The following ZNRF2 variants were observed in gnomAD, a reference collection of about 807,000 sequenced individuals.
The protein encoded by ZNRF2 is zinc and ring finger 2.
In ZNRF2, 16 loss-of-function variants were observed where a neutral mutation model predicts 20.4. The observed-to-expected ratio is 0.79, with a 90% CI of 0.53 to 1.19. The LOEUF is 1.19. ZNRF2 is among the 50% of genes most tolerant of loss of function. ZNRF2 has a pLI of 0.00. For synonymous variants in ZNRF2, 178 were observed against 144.9 expected (o/e 1.23, Z -1.64); for missense variants, 363 against 332.4 (o/e 1.09, Z -0.72).
chr7:30,331,801 C>CA (rs747501499), intron 2 of ZNRF2, among the ~76,000 whole-genome samples: 7 of 152,006 alleles, frequency 4.6e-5, no homozygotes, highest in Non-Finnish European at 8.8e-5. Context: ...TATTGTAACC[C>CA]AAAAAATAAT....
chr7:30,340,839 C>T (rs1223820082), intron 2 of ZNRF2, among the ~76,000 whole-genome samples: 6 of 151,950 alleles, frequency 3.9e-5, no homozygotes, highest in African/African-American at 9.7e-5. Flanking sequence ...TTTGTACCTC[C>T]GGTAGAGTTT....
chr7:30,301,448 A>G (rs1022136842), intron 1 of ZNRF2, among the ~76,000 whole-genome samples: 1 of 152,136 alleles, frequency 6.6e-6, no homozygotes, highest in Non-Finnish European at 1.5e-5. Flanking sequence ...ACGCCACTGC[A>G]CTCCATCCTG....
intron 1 of ZNRF2, among the ~76,000 whole-genome samples, chr7:30,311,144 T>G (rs1799286147): frequency 1.3e-5 from 2 of 152,280 alleles, no homozygotes; most frequent in Admixed American, 6.5e-5. Flanking sequence ...ACCCCGTGTT[T>G]TGTTTGCTGG....
At chr7:30,291,281 G>A (rs984759392) in intron 1 of ZNRF2, among the ~76,000 whole-genome samples, 1 of 152,164 alleles carries the variant, frequency 6.6e-6, no homozygotes, top group African/African-American at 2.4e-5. Context: ...CTGTAGGTTT[G>A]TTTTATCTAA....
intron 1 of ZNRF2, among the ~76,000 whole-genome samples, chr7:30,314,721 T>G (rs1426758857): frequency 3.3e-5 from 5 of 152,046 alleles, no homozygotes; most frequent in African/African-American, 4.8e-5. Flanking sequence ...TCACTTGTTA[T>G]GGGGGAATTA....
At chr7:30,332,532 C>T (rs955084646) in intron 2 of ZNRF2, among the ~76,000 whole-genome samples, 4 of 152,122 alleles carry the variant, frequency 2.6e-5, no homozygotes, top group African/African-American at 9.7e-5. Flanking sequence ...CCCTCTCTTC[C>T]CACTTTTGGA....
At chr7:30,341,758 C>G (rs1183740459) in intron 2 of ZNRF2, among the ~76,000 whole-genome samples, 1 of 152,072 alleles carries the variant, frequency 6.6e-6, no homozygotes, top group East Asian at 1.9e-4. Context: ...GAGCTGAGTT[C>G]AAGTCCTGAA....
intron 2 of ZNRF2, among the ~76,000 whole-genome samples, chr7:30,325,447 C>G (rs1390884709): frequency 6.6e-6 from 1 of 152,114 alleles, no homozygotes; most frequent in Non-Finnish European, 1.5e-5. Flanking sequence ...GTAATAGTCA[C>G]TGATTTCTTT....
At chr7:30,302,541 G>T (rs747372173) in intron 1 of ZNRF2, among the ~76,000 whole-genome samples, 3 of 140,508 alleles carry the variant, frequency 2.1e-5, no homozygotes, top group African/African-American at 5.3e-5. Flanking sequence ...AAAGTACTAT[G>T]TTTTTTTTTT....
At chr7:30,337,892 G>A (rs1208213514) in intron 2 of ZNRF2, among the ~76,000 whole-genome samples, 1 of 152,044 alleles carries the variant, frequency 6.6e-6, no homozygotes, top group Non-Finnish European at 1.5e-5. Flanking sequence ...TTAACAGAGA[G>A]GTAGCCAGTA....
intron 2 of ZNRF2, among the ~76,000 whole-genome samples, chr7:30,342,605 A>G (rs1173991669): frequency 6.6e-6 from 1 of 151,710 alleles, no homozygotes; most frequent in African/African-American, 2.4e-5. Context: ...TTAGTCTATC[A>G]TTTTTCTGTT....
At chr7:30,326,208 T>C (rs77946931) in intron 2 of ZNRF2, among the ~76,000 whole-genome samples, 4,563 of 152,058 alleles carry the variant, frequency 0.03, 169 homozygotes, top group African/African-American at 0.089. Flanking sequence ...GTCATGGGGG[T>C]TTGTTCTACA....
intron 2 of ZNRF2, among the ~76,000 whole-genome samples, chr7:30,329,569 G>C (rs190923388): frequency 1.3e-5 from 2 of 152,190 alleles, no homozygotes; most frequent in Non-Finnish European, 2.9e-5. Context: ...TTGTCTTTCT[G>C]TGCCTGGCTT....
chr7:30,294,317 TTCATTA>T (rs1227786436), intron 1 of ZNRF2, among the ~76,000 whole-genome samples: 36 of 152,246 alleles, frequency 2.4e-4, no homozygotes, highest in African/African-American at 8.0e-4. Flanking sequence ...ACTTACCATT[TTCATTA>T]TCATTGAGTA....
chr7:30,285,590 C>A lies in ZNRF2; in HGVS notation c.233C>A (p.Pro78Gln). The change falls in exon 1 of 5, where the codon CCG becomes CAG. Residue 78 changes from proline (P) to glutamine (Q), a missense_variant. By Grantham distance (76) the Pro-to-Gln change is moderately conservative. Transcript: ENST00000323037. ...AAAAPAAPAAPRSRSLGGAVG... is the reference protein window; with the variant it reads ...AAAAPAAPAAQRSRSLGGAVG... ...GCGGCCCCGGCAGCCCCGGCGGCCC[C>A]GCGCAGCCGCTCCCTCGGCGGGGCC... 4 of 1,093,004 alleles carry A rather than the reference C, an allele frequency of 3.7e-6. No homozygotes were observed. The highest frequency in any genetic ancestry group is 4.4e-6 in the Non-Finnish European group (4 of 900,188). 67.7% of individuals were successfully genotyped at this position (1,093,004 alleles called of 1,614,324 possible).
chr7:30,337,419 C>A (rs912979802), intron 2 of ZNRF2, among the ~76,000 whole-genome samples: 5 of 152,138 alleles, frequency 3.3e-5, no homozygotes, highest in South Asian at 4.1e-4. Flanking sequence ...TTACTCATAG[C>A]AATAGCCAGA....
chr7:30,316,288 C>CAAAAAAAAAAAAAAAAAAA (rs60218988), intron 1 of ZNRF2, among the ~76,000 whole-genome samples: 8 of 27,500 alleles, frequency 2.9e-4, no homozygotes, highest in African/African-American at 4.6e-4. Flanking sequence ...AACTCCATCT[C>CAAAAAAAAAAAAAAAAAAA]AAAAAAAAAA....
intron 1 of ZNRF2, among the ~76,000 whole-genome samples, chr7:30,305,742 C>T (rs1562607182): frequency 6.6e-6 from 1 of 152,094 alleles, no homozygotes; most frequent in Non-Finnish European, 1.5e-5. Context: ...TTAGGGCTAA[C>T]ATTTGATTTC....
chr7:30,311,767 T>C (rs544233551), intron 1 of ZNRF2, among the ~76,000 whole-genome samples: 4 of 152,286 alleles, frequency 2.6e-5, no homozygotes, highest in Admixed American at 2.6e-4. Context: ...CTGGTAACAC[T>C]GAGTCCAATT....
Sources: allele counts gnomAD v4.1 joint callset (sites outside exome capture counted in the v4.1 genomes callset), GRCh38; gene constraint gnomAD v4.1.1; transcripts MANE v1.5; gene names NCBI Gene and HGNC (gene_info 2026-07-23, HGNC 2026-07-21).